The following HCN1 variants were observed in gnomAD, a reference collection of about 807,000 sequenced individuals.
HCN1 encodes potassium/sodium hyperpolarization-activated cyclic nucleotide-gated channel 1.
Under a neutral mutation model 78.9 loss-of-function variants are expected in HCN1, and 13 were observed. The ratio of observed to expected loss-of-function variants is 0.16; its 90% CI spans 0.11 to 0.26. HCN1 has a LOEUF of 0.26. Among genes scored for constraint, HCN1 ranks in the 10% least tolerant of loss-of-function variants. The pLI is 1.00. For synonymous variants in HCN1, 552 were observed against 455.5 expected, an observed-to-expected ratio of 1.21 and a Z score of -2.70; for missense variants, 810 against 1,154.3, an observed-to-expected ratio of 0.70 and a Z score of 4.32.
At chr5:45,312,490 A>G (rs1013917741) in intron 5 of HCN1, among the ~76,000 whole-genome samples, 5 of 152,184 alleles carry the variant, frequency 3.3e-5, no homozygotes, top group Non-Finnish European at 5.9e-5. Flanking sequence ...TACCGGGTTC[A>G]TCTCACTAGC....
intron 7 of HCN1, among the ~76,000 whole-genome samples, chr5:45,265,139 G>A (rs747951911): frequency 3.7e-4 from 55 of 150,528 alleles, no homozygotes; most frequent in East Asian, 1.2e-3. Flanking sequence ...GCAGTGAGCC[G>A]AGATCACACC....
intron 2 of HCN1, among the ~76,000 whole-genome samples, chr5:45,550,956 G>T (rs992662746): frequency 2.6e-5 from 4 of 151,876 alleles, no homozygotes; most frequent in Non-Finnish European, 4.4e-5. Context: ...TTTTGCATTT[G>T]TTAGAAATAG....
chr5:45,348,887 C>T, intron 5 of HCN1, among the ~76,000 whole-genome samples: 1 of 152,120 alleles, frequency 6.6e-6, no homozygotes. Flanking sequence ...TTCTGAGTGA[C>T]CTACAAAGAG....
intron 1 of HCN1, among the ~76,000 whole-genome samples, chr5:45,651,250 C>T (rs546752871): frequency 1.9e-4 from 29 of 152,040 alleles, no homozygotes; most frequent in Non-Finnish European, 3.5e-4. Context: ...AAGATAAATG[C>T]TTTTGATAAC....
intron 2 of HCN1, among the ~76,000 whole-genome samples, chr5:45,619,048 G>A (rs371625319): frequency 6.6e-6 from 1 of 152,000 alleles, no homozygotes; most frequent in African/African-American, 2.4e-5. Context: ...TATTTGCTTT[G>A]AAAATGGTTT....
chr5:45,472,935 T>A (rs1741423067), intron 2 of HCN1, among the ~76,000 whole-genome samples: 1 of 151,908 alleles, frequency 6.6e-6, no homozygotes. Context: ...AAAATTTCAT[T>A]CTCTGGTCAC....
intron 1 of HCN1, among the ~76,000 whole-genome samples, chr5:45,678,190 G>C (rs1296501065): frequency 6.6e-6 from 1 of 151,838 alleles, no homozygotes; most frequent in African/African-American, 2.4e-5. Flanking sequence ...TGGATGCAGT[G>C]ATTCCCTTAG....
At chr5:45,494,403 G>C (rs1741973999) in intron 2 of HCN1, among the ~76,000 whole-genome samples, 1 of 152,084 alleles carries the variant, frequency 6.6e-6, no homozygotes, top group African/African-American at 2.4e-5. Context: ...GTCTTCTTTT[G>C]AGAAGTGTCT....
At chr5:45,596,056 C>A (rs537895741) in intron 2 of HCN1, among the ~76,000 whole-genome samples, 2 of 151,658 alleles carry the variant, frequency 1.3e-5, no homozygotes, top group African/African-American at 4.9e-5. Context: ...CAACCACACC[C>A]GGCTAATTTT....
At chr5:45,583,027 A>G (rs1744117482) in intron 2 of HCN1, among the ~76,000 whole-genome samples, 1 of 151,156 alleles carries the variant, frequency 6.6e-6, no homozygotes, top group African/African-American at 2.4e-5. Context: ...TATCAGGATG[A>G]TGTTGGCCTC....
At chr5:45,565,235 T>C (rs1743682665) in intron 2 of HCN1, among the ~76,000 whole-genome samples, 1 of 152,162 alleles carries the variant, frequency 6.6e-6, no homozygotes, top group Non-Finnish European at 1.5e-5. Context: ...AAATTAACTA[T>C]AGATTTTTCT....
At chr5:45,285,645 T>C (rs1745253189) in intron 6 of HCN1, among the ~76,000 whole-genome samples, 1 of 151,880 alleles carries the variant, frequency 6.6e-6, no homozygotes, top group African/African-American at 2.4e-5. Context: ...CTGAAAAATG[T>C]AGCCAAGATC....
chr5:45,322,594 C>T (rs535269358), intron 5 of HCN1, among the ~76,000 whole-genome samples: 2 of 151,798 alleles, frequency 1.3e-5, no homozygotes, highest in Non-Finnish European at 2.9e-5. Context: ...TTCATATATA[C>T]TTCAAACATA....
Position 45,262,169 on chromosome 5 carries a change from C to G in HCN1, c.2425G>C (p.Gly809Arg), listed in dbSNP as rs1422487971. ...TLISRPHPTV[G>R]ESLASIPQPV... ...TGAGGGATGGAGGCCAGGGACTCGC[C>G]CACAGTGGGATGAGGTCTGGAAATC... Residue 809 changes from glycine to arginine, a missense_variant, in exon 8 of 8, where the codon GGC (glycine) becomes CGC (arginine). Coordinates refer to ENST00000303230, the MANE Select transcript of HCN1 (RefSeq NM_021072.4). 2 of 1,613,822 alleles carry G rather than the reference C, an allele frequency of 1.2e-6. No homozygotes were observed. The highest frequency in any genetic ancestry group is 3.3e-5 in the Admixed American group (2 of 59,998).
At position 45,314,426 on chromosome 5, in the gene HCN1, C is replaced by T. The variant is rs576652352; in HGVS notation, c.1378-10587G>A. Among the ~76,000 whole-genome samples, 4 of 152,190 alleles carry T rather than the reference C, an allele frequency of 2.6e-5. No homozygotes were observed. The South Asian group carries it at 6.2e-4, about 24-fold the overall frequency. On this transcript the variant is annotated intron_variant, in intron 5 of 7. Coordinates refer to ENST00000303230, the MANE Select transcript of HCN1 (RefSeq NM_021072.4). ...CAAAAACATGCCACATTGTAAAGAC[C>T]GTCAAGGCTAGGAAGAAACTGCATC... is the stretch of plus-strand genomic sequence containing the variant.
intron 2 of HCN1, among the ~76,000 whole-genome samples, chr5:45,543,823 C>A (rs1044100692): frequency 3.9e-5 from 6 of 152,188 alleles, no homozygotes; most frequent in African/African-American, 1.4e-4. Context: ...AAGTTATTTT[C>A]TGTGACATAG....
At chr5:45,334,990 C>A (rs1329744403) in intron 5 of HCN1, among the ~76,000 whole-genome samples, 1 of 151,978 alleles carries the variant, frequency 6.6e-6, no homozygotes, top group Non-Finnish European at 1.5e-5. Context: ...GCATAACTAT[C>A]TATTCGACAA....
At chr5:45,368,790 T>G (rs1196443084) in intron 4 of HCN1, among the ~76,000 whole-genome samples, 1 of 152,096 alleles carries the variant, frequency 6.6e-6, no homozygotes, top group Non-Finnish European at 1.5e-5. Context: ...CATATTTTTT[T>G]CTCTCATACA....
intron 2 of HCN1, among the ~76,000 whole-genome samples, chr5:45,620,579 GATT>G (rs914352074): frequency 3.3e-5 from 5 of 151,512 alleles, no homozygotes; most frequent in African/African-American, 7.3e-5. Flanking sequence ...TATATATAAT[GATT>G]ATTATTATCA....
Sources: allele counts gnomAD v4.1 joint callset (sites outside exome capture counted in the v4.1 genomes callset), GRCh38; gene constraint gnomAD v4.1.1; transcripts MANE v1.5; gene names NCBI Gene and HGNC (gene_info 2026-07-23, HGNC 2026-07-21).